The following GPC5 variants were observed in gnomAD, a reference collection of about 807,000 sequenced individuals.
The protein encoded by GPC5 is glypican 5.
A neutral mutation model predicts 53.9 loss-of-function variants in GPC5; 47 were observed. The ratio of observed to expected loss-of-function variants is 0.87; its 90% confidence interval spans 0.69 to 1.11. GPC5 has a LOEUF of 1.11. Ranked by LOEUF, GPC5 falls within the 50% of genes most tolerant of loss-of-function variation. The pLI is 0.00. For missense variants in GPC5, 748 were observed against 713.1 expected, an observed-to-expected ratio of 1.05 and a Z score of -0.56; for synonymous variants, 286 against 263.3, an observed-to-expected ratio of 1.09 and a Z score of -0.84.
chr13:92,016,274 A>G (rs996308600), intron 6 of GPC5, among the ~76,000 whole-genome samples: 1 of 152,254 alleles, frequency 6.6e-6, no homozygotes, highest in African/African-American at 2.4e-5. Context: ...TATGTCAGAC[A>G]TAATGTTATA....
At chr13:91,677,767 C>G (rs2035416894) in intron 2 of GPC5, among the ~76,000 whole-genome samples, 1 of 152,086 alleles carries the variant, frequency 6.6e-6, no homozygotes, top group Admixed American at 6.6e-5. Context: ...TATTTAGAAT[C>G]TAGATTTCTA....
At chr13:91,515,562 T>C (rs576323672) in intron 2 of GPC5, among the ~76,000 whole-genome samples, 1 of 152,338 alleles carries the variant, frequency 6.6e-6, no homozygotes, top group South Asian at 2.1e-4. Context: ...CAAATCCCTG[T>C]AGTTTTATCT....
At chr13:92,312,741 T>A (rs2043153443) in intron 7 of GPC5, among the ~76,000 whole-genome samples, 1 of 152,172 alleles carries the variant, frequency 6.6e-6, no homozygotes, top group Non-Finnish European at 1.5e-5. Context: ...TGAGTGTAAT[T>A]TTATCTTCAT....
intron 7 of GPC5, among the ~76,000 whole-genome samples, chr13:92,396,675 TG>T (rs1358713513): frequency 3.3e-5 from 5 of 152,242 alleles, no homozygotes; most frequent in Non-Finnish European, 7.3e-5. Flanking sequence ...ATTCTAATTT[TG>T]ATAGTTACCT....
chr13:92,516,721 A>G (rs772617250), intron 7 of GPC5, among the ~76,000 whole-genome samples: 8 of 152,130 alleles, frequency 5.3e-5, no homozygotes, highest in Non-Finnish European at 1.2e-4. Flanking sequence ...GTGATCAAGA[A>G]CAGATTATTG....
At chr13:91,611,906 T>C (rs115391752) in intron 2 of GPC5, among the ~76,000 whole-genome samples, 2,762 of 152,268 alleles carry the variant, frequency 0.018, 88 homozygotes, top group African/African-American at 0.063. Context: ...ACAGTTTACC[T>C]GCCTAGACTT....
intron 6 of GPC5, among the ~76,000 whole-genome samples, chr13:92,028,712 TCTA>T (rs1594732244): frequency 6.6e-6 from 1 of 152,212 alleles, no homozygotes; most frequent in African/African-American, 2.4e-5. Context: ...ATCTTGTCAC[TCTA>T]CTAACTCTTT....
chr13:91,471,672 A>G (rs1882641218), intron 2 of GPC5, among the ~76,000 whole-genome samples: 1 of 152,098 alleles, frequency 6.6e-6, no homozygotes, highest in Non-Finnish European at 1.5e-5. Context: ...TCTCAACACC[A>G]CTTTGTGGCT....
At chr13:91,517,498 A>G (rs1161275944) in intron 2 of GPC5, among the ~76,000 whole-genome samples, 1 of 152,194 alleles carries the variant, frequency 6.6e-6, no homozygotes, top group African/African-American at 2.4e-5. Context: ...TCATATCATT[A>G]TCAGCATTTT....
In GPC5 at chr13:92,115,753, G is replaced by A. The variant is rs541640314; in HGVS notation, c.1402-29077G>A. Among the ~76,000 whole-genome samples the A allele has an allele frequency of 2.1e-4, 32 of 152,138 alleles. 2 individuals carry two copies. The South Asian group carries it at 4.4e-3, about 21-fold the overall frequency. ...CATATTGAAATTCATTTATCCATTC[G>A]CCAGTTTGAGGGCATTTAGGATTTT... On this transcript the variant is annotated intron_variant, in intron 6 of 7. Transcript: ENST00000377067.
chr13:92,218,721 C>T (rs1297882794), intron 7 of GPC5, among the ~76,000 whole-genome samples: 8 of 152,068 alleles, frequency 5.3e-5, no homozygotes, highest in Non-Finnish European at 8.8e-5. Context: ...CCAGCTTTCC[C>T]GAAATTGTAG....
chr13:92,426,978 C>A (rs183873691), intron 7 of GPC5, among the ~76,000 whole-genome samples: 1 of 151,838 alleles, frequency 6.6e-6, no homozygotes, highest in Non-Finnish European at 1.5e-5. Flanking sequence ...TGATGAGAGA[C>A]GAATCTGTTC....
chr13:92,730,075 A>T (rs1888757807), intron 7 of GPC5, among the ~76,000 whole-genome samples: 1 of 151,416 alleles, frequency 6.6e-6, no homozygotes, highest in Non-Finnish European at 1.5e-5. Context: ...AAAGATAATG[A>T]GGCTATATTA....
chr13:92,656,824 T>G (rs544242408), intron 7 of GPC5, among the ~76,000 whole-genome samples: 1 of 152,186 alleles, frequency 6.6e-6, no homozygotes, highest in Non-Finnish European at 1.5e-5. Context: ...CATGGTGGCA[T>G]GCATCCATAA....
At chr13:92,568,617 A>G (rs1332575625) in intron 7 of GPC5, among the ~76,000 whole-genome samples, 1 of 152,206 alleles carries the variant, frequency 6.6e-6, no homozygotes, top group Non-Finnish European at 1.5e-5. Context: ...GAATAAATAT[A>G]TGATGATACT....
intron 2 of GPC5, among the ~76,000 whole-genome samples, chr13:91,516,763 C>T (rs904730663): frequency 6.6e-6 from 1 of 152,178 alleles, no homozygotes; most frequent in Admixed American, 6.5e-5. Flanking sequence ...CTGTAGCAAA[C>T]TTTTATCTAG....
At chr13:91,966,554 T>C (rs2040182567) in intron 6 of GPC5, among the ~76,000 whole-genome samples, 1 of 152,222 alleles carries the variant, frequency 6.6e-6, no homozygotes, top group African/African-American at 2.4e-5. Context: ...ATGTGTAGGA[T>C]ATGTTTGCTT....
chr13:91,885,185 G>T (rs1383926376), intron 5 of GPC5, among the ~76,000 whole-genome samples: 1 of 152,004 alleles, frequency 6.6e-6, no homozygotes, highest in African/African-American at 2.4e-5. Context: ...ATTTTTATTG[G>T]AAGGACAAAT....
intron 5 of GPC5, among the ~76,000 whole-genome samples, chr13:91,816,503 G>T (rs1310863260): frequency 1.3e-5 from 2 of 152,082 alleles, no homozygotes; most frequent in African/African-American, 4.8e-5. Context: ...AATTCACCCA[G>T]CATTGAAATC....
Sources: allele counts gnomAD v4.1 joint callset (sites outside exome capture counted in the v4.1 genomes callset), GRCh38; gene constraint gnomAD v4.1.1; transcripts MANE v1.5; gene names NCBI Gene and HGNC (gene_info 2026-07-23, HGNC 2026-07-21).